LRRC37A2: variants seen among roughly 807,000 people sequenced by gnomAD.
LRRC37A2 encodes leucine-rich repeat-containing protein 37A2.
In LRRC37A2, 9 loss-of-function variants were observed where a neutral mutation model predicts 68.8. The ratio of observed to expected loss-of-function variants is 0.13; its 90% CI spans 0.08 to 0.23. LRRC37A2 has a LOEUF of 0.23. LRRC37A2 is among the 10% of genes least tolerant of loss of function. The pLI is 1.00. For synonymous variants in LRRC37A2, 63 were observed against 367.6 expected (o/e 0.17, Z 9.48); for missense variants, 168 against 950.4 (o/e 0.18, Z 10.82).
chr17:46,991,531 G>A, the LRRC37A2 span, among the ~76,000 whole-genome samples: 1 of 152,130 alleles, frequency 6.6e-6, no homozygotes, highest in African/African-American at 2.4e-5. Flanking sequence ...AGGACGCTGA[G>A]GCAGGAGAAT....
the LRRC37A2 span, among the ~76,000 whole-genome samples, chr17:46,854,123 G>GA: frequency 6.6e-6 from 1 of 152,170 alleles, no homozygotes; most frequent in African/African-American, 2.4e-5. Context: ...GATGCTCAGA[G>GA]AATCAGCTAA....
At chr17:46,748,091 T>C in the LRRC37A2 span, among the ~76,000 whole-genome samples, 3 of 152,312 alleles carry the variant, frequency 2.0e-5, no homozygotes, top group South Asian at 2.1e-4. Context: ...AAAAAAATTA[T>C]TTCTAACCTT....
At chr17:46,966,964 T>C in the LRRC37A2 span, 4 of 344,658 alleles carry the variant, frequency 1.2e-5, no homozygotes, top group Non-Finnish European at 2.1e-5. Flanking sequence ...CTTCCTTGTG[T>C]TTTGCTTATT....
the LRRC37A2 span, chr17:46,768,629 T>C: frequency 6.2e-7 from 1 of 1,614,128 alleles, no homozygotes; most frequent in Non-Finnish European, 8.5e-7. The surrounding 1 kb of genome is among the most constrained non-coding windows in gnomAD (Gnocchi z 5.0). Context: ...CCACCCAGCC[T>C]CGGGACTCAC....
At chr17:46,716,516 C>T in the LRRC37A2 span, among the ~76,000 whole-genome samples, 17 of 152,238 alleles carry the variant, frequency 1.1e-4, no homozygotes, top group Admixed American at 2.6e-4. Context: ...CTCAGCCTCC[C>T]GAAGTGCTGG....
At chr17:46,971,649 CACTTTACAGATGAAGAA>C in the LRRC37A2 span, among the ~76,000 whole-genome samples, 1 of 152,180 alleles carries the variant, frequency 6.6e-6, no homozygotes, top group African/African-American at 2.4e-5. Context: ...TAGAGTACCT[CACTTTACAGATGAAGAA>C]ACAGGCCTTG....
chr17:46,976,118 G>A, the LRRC37A2 span, among the ~76,000 whole-genome samples: 11 of 151,794 alleles, frequency 7.2e-5, no homozygotes, highest in Non-Finnish European at 8.8e-5. Context: ...AGTAGAGACC[G>A]GGTTTCACTG....
the LRRC37A2 span, among the ~76,000 whole-genome samples, chr17:46,934,139 C>T: frequency 1.3e-5 from 2 of 152,206 alleles, no homozygotes; most frequent in Non-Finnish European, 1.5e-5. Flanking sequence ...GCAGGCCCTG[C>T]GCTCAGTACC....
the LRRC37A2 span, among the ~76,000 whole-genome samples, chr17:47,028,565 G>C: frequency 5.6e-3 from 859 of 152,260 alleles, 7 homozygotes; most frequent in Non-Finnish European, 6.2e-3. Context: ...GCTTGTCCTA[G>C]TTCTGACCTA....
chr17:46,979,008 C>A, the LRRC37A2 span: 1 of 1,400,870 alleles, frequency 7.1e-7, no homozygotes, highest in South Asian at 1.6e-5. Context: ...TCGCGTTCAT[C>A]GCCGCGCGGC....
the LRRC37A2 span, among the ~76,000 whole-genome samples, chr17:46,891,918 CT>C: frequency 0.07 from 4,995 of 71,662 alleles, 146 homozygotes; most frequent in African/African-American, 0.24. Context: ...CTTTTCTTTT[CT>C]TTTTTTTTTT....
the LRRC37A2 span, among the ~76,000 whole-genome samples, chr17:46,708,970 T>A: frequency 0.3 from 45,478 of 150,826 alleles, 7,607 homozygotes; most frequent in East Asian, 0.61. Flanking sequence ...GACTGCAGGC[T>A]TGCGCCACCA....
At chr17:46,755,909 C>T in the LRRC37A2 span, 4 of 1,360,876 alleles carry the variant, frequency 2.9e-6, no homozygotes, top group Non-Finnish European at 4.1e-6. Context: ...ACTCAAGATA[C>T]TGGACTAAGT....
chr17:46,622,516 C>T, the LRRC37A2 span, among the ~76,000 whole-genome samples: 1 of 149,690 alleles, frequency 6.7e-6, no homozygotes, highest in South Asian at 2.1e-4. Flanking sequence ...GACGCAGTGG[C>T]TCACGCCTGT....
At chr17:47,009,713 G>T in the LRRC37A2 span, among the ~76,000 whole-genome samples, 7 of 152,338 alleles carry the variant, frequency 4.6e-5, no homozygotes, top group Admixed American at 6.5e-5. Flanking sequence ...GCCCCGGCAG[G>T]CCTCCTGTCC....
chr17:46,883,846 G>A, the LRRC37A2 span, among the ~76,000 whole-genome samples: 2 of 152,164 alleles, frequency 1.3e-5, no homozygotes, highest in African/African-American at 4.8e-5. Flanking sequence ...GCAAAGAGGA[G>A]GTTAATGCCT....
the LRRC37A2 span, among the ~76,000 whole-genome samples, chr17:46,966,042 A>G: frequency 6.6e-6 from 1 of 152,130 alleles, no homozygotes; most frequent in African/African-American, 2.4e-5. Flanking sequence ...TAATGTCTAT[A>G]AATAACCATC....
the LRRC37A2 span, among the ~76,000 whole-genome samples, chr17:46,490,862 A>G: frequency 5.3e-5 from 8 of 150,464 alleles, no homozygotes; most frequent in African/African-American, 2.0e-4. Context: ...GGACATGTGT[A>G]CATACATACA....
chr17:46,773,005 C>T, the LRRC37A2 span, among the ~76,000 whole-genome samples: 3 of 152,146 alleles, frequency 2.0e-5, no homozygotes, highest in African/African-American at 7.2e-5. Flanking sequence ...CCCCCAAGTC[C>T]CCTTCTTGGG....
Sources: allele counts gnomAD v4.1 joint callset (sites outside exome capture counted in the v4.1 genomes callset), GRCh38; gene constraint gnomAD v4.1.1; non-coding constraint Gnocchi (gnomAD v3.1); transcripts MANE v1.5; gene names NCBI Gene and HGNC (gene_info 2026-07-23, HGNC 2026-07-21).